Variants in CRIM1 observed in about 807,000 individuals in gnomAD.
The protein encoded by CRIM1 is cysteine-rich motor neuron 1 protein.
CRIM1 carries 32 observed loss-of-function variants against 116.4 expected under a neutral mutation model. The ratio of observed to expected loss-of-function variants is 0.27; its 90% CI spans 0.21 to 0.37. CRIM1 has a LOEUF of 0.37. Ranked by LOEUF, CRIM1 falls within the 10% of genes least tolerant of loss-of-function variation. The pLI is 1.00. For synonymous variants in CRIM1, 590 were observed against 509.2 expected (o/e 1.16, Z -2.13); for missense variants, 1,331 against 1,354.8 (o/e 0.98, Z 0.28).
In CRIM1 at chr2:36,541,796, T is replaced by G. The variant is rs148195663; in HGVS notation, c.2624-2580T>G. On this transcript the variant is annotated intron_variant, in intron 14 of 16. Coordinates refer to ENST00000280527, the MANE Select transcript of CRIM1 (RefSeq NM_016441.3). Reference sequence around the variant, plus strand: ...TCTCCCTGGCACTGTCCATCTGTAATGCCAACAGCTGTAAAGGGCTCTTCT... The same window carrying G: ...TCTCCCTGGCACTGTCCATCTGTAAGGCCAACAGCTGTAAAGGGCTCTTCT... Among the ~76,000 whole-genome samples the G allele has an allele frequency of 1.3e-3, 199 of 152,300 alleles. 1 individual carries two copies. In the South Asian group the frequency reaches 0.025, roughly 19 times the overall value.
chr2:36,437,233 G>C (rs890834547), intron 2 of CRIM1, among the ~76,000 whole-genome samples: 2 of 152,142 alleles, frequency 1.3e-5, no homozygotes, highest in African/African-American at 4.8e-5. Context: ...AAATTAGCCG[G>C]GCGAGGTGGT....
chr2:36,387,953 T>G (rs919214675), intron 1 of CRIM1, among the ~76,000 whole-genome samples: 10 of 152,060 alleles, frequency 6.6e-5, no homozygotes, highest in Non-Finnish European at 1.3e-4. Flanking sequence ...GCTTAGTTCA[T>G]TCTTTTTTTT....
At chr2:36,440,432 TC>T (rs1373670359) in intron 2 of CRIM1, among the ~76,000 whole-genome samples, 1 of 152,198 alleles carries the variant, frequency 6.6e-6, no homozygotes, top group African/African-American at 2.4e-5. Flanking sequence ...TTCCATCTTT[TC>T]CTCAAGGGCC....
At chr2:36,377,947 G>A (rs1194664471) in intron 1 of CRIM1, among the ~76,000 whole-genome samples, 1 of 152,162 alleles carries the variant, frequency 6.6e-6, no homozygotes, top group Non-Finnish European at 1.5e-5. Flanking sequence ...CAGTCTGTCA[G>A]GTGTTTCAGT....
At chr2:36,427,919 G>C (rs553217248) in intron 2 of CRIM1, among the ~76,000 whole-genome samples, 1 of 152,188 alleles carries the variant, frequency 6.6e-6, no homozygotes, top group African/African-American at 2.4e-5. Flanking sequence ...CACCTGGCTG[G>C]TGGACAGCAC....
intron 2 of CRIM1, among the ~76,000 whole-genome samples, chr2:36,402,103 T>A (rs1558543013): frequency 6.6e-6 from 1 of 152,186 alleles, no homozygotes; most frequent in Non-Finnish European, 1.5e-5. Flanking sequence ...GGGTGTCTCC[T>A]AGGTTTCTCA....
At chr2:36,427,681 C>A (rs988783422) in intron 2 of CRIM1, among the ~76,000 whole-genome samples, 1 of 152,228 alleles carries the variant, frequency 6.6e-6, no homozygotes, top group Non-Finnish European at 1.5e-5. Flanking sequence ...GAGGTCTAAA[C>A]TTCTGGGGAT....
rs1425013297 is a variant in CRIM1 at position 36,549,543 on chromosome 2, A to G, written c.*842A>G. The G allele has an allele frequency of 1.3e-5, 2 of 152,222 alleles. No homozygotes were observed. Among genetic ancestry groups the G allele is most frequent in the African/African-American group, 2.4e-5 (1 of 41,310 alleles). 9.4% of individuals were successfully genotyped at this position (152,222 alleles called of 1,614,324 possible). ...CGAACACCAGGCATTTCCAGGGGCT[A>G]TATTTCACTGTTTGTTGTTGCTTTG... is the stretch of plus-strand genomic sequence containing the variant. On this transcript the variant is annotated 3_prime_UTR_variant, in exon 17 of 17. Coordinates refer to ENST00000280527, the MANE Select transcript of CRIM1 (RefSeq NM_016441.3).
Position 36,522,277 on chromosome 2 carries a change from G to T in CRIM1, c.2392G>T (p.Val798Phe), listed in dbSNP as rs990042707. The T allele has an allele frequency of 6.2e-7, 1 of 1,614,098 alleles. No homozygotes were observed. The highest frequency in any genetic ancestry group is 8.5e-7 in the Non-Finnish European group (1 of 1,180,016). ...CCCTTCTGTATCCTGTGAAAGACCT[G>T]TCTTGAGAAAAGGCCAGTGTTGTCC... is the stretch of plus-strand genomic sequence containing the variant. ...SCPSVSCERP[V>F]LRKGQCCPYC... is the part of the protein sequence containing the mutation. The change falls in exon 13 of 17, where the codon GTC (valine) becomes TTC (phenylalanine). Residue 798 changes from valine to phenylalanine, a missense_variant. Physicochemically the swap from Val to Phe is conservative, Grantham distance 50. This residue lies in a region of CRIM1 where 358 missense variants were observed against 436.1 expected (regional missense o/e 0.82). Coordinates refer to ENST00000280527, the MANE Select transcript of CRIM1 (RefSeq NM_016441.3).
At chr2:36,455,785 C>T (rs1367634562) in intron 4 of CRIM1, among the ~76,000 whole-genome samples, 2 of 151,978 alleles carry the variant, frequency 1.3e-5, no homozygotes, top group East Asian at 1.9e-4. Flanking sequence ...TCGAGTGGTG[C>T]ATTGTGTGAT....
chr2:36,440,270 C>A (rs6729186), intron 2 of CRIM1, among the ~76,000 whole-genome samples: 93 of 152,100 alleles, frequency 6.1e-4, no homozygotes, highest in African/African-American at 2.2e-3. Flanking sequence ...ATCCTACTAC[C>A]CAATTCTGTG....
In CRIM1 at chr2:36,510,048, G is replaced by A. The variant is rs1180858533; in HGVS notation, c.1567G>A (p.Asp523Asn). 5 of 1,614,054 alleles carry A rather than the reference G, an allele frequency of 3.1e-6. No homozygotes were observed. The Admixed American group carries it at 5.0e-5, about 16-fold the overall frequency. ...GAACTGTCCCTTCGGTTTCCTTACT[G>A]ATGCCCAAAACTGTGAGATCTGTGA... is the stretch of plus-strand genomic sequence containing the variant. ...TLNCPFGFLTDAQNCEICECR... is the reference protein window; with the variant it reads ...TLNCPFGFLTNAQNCEICECR... The change falls in exon 9 of 17, where the codon GAT becomes AAT. Residue 523 changes from aspartate to asparagine, a missense_variant. Physicochemically the swap from Asp to Asn is conservative, Grantham distance 23 (BLOSUM62 1). Around this residue, in one of 3 missense-constraint regions of CRIM1, gnomAD observed 358 missense variants for 436.1 expected, o/e 0.82. Coordinates refer to ENST00000280527, the MANE Select transcript of CRIM1 (RefSeq NM_016441.3).
chr2:36,372,032 G>A (rs1256117212), intron 1 of CRIM1, among the ~76,000 whole-genome samples: 1 of 152,204 alleles, frequency 6.6e-6, no homozygotes, highest in East Asian at 1.9e-4. Context: ...TAAGAAACAT[G>A]TACTGAATGT....
intron 7 of CRIM1, among the ~76,000 whole-genome samples, chr2:36,492,836 C>T (rs997907699): frequency 1.3e-5 from 2 of 152,016 alleles, no homozygotes; most frequent in Non-Finnish European, 2.9e-5. Context: ...ACGTTCAGCC[C>T]CCTCCAACCC....
At chr2:36,358,193 A>C (rs944087133) in intron 1 of CRIM1, among the ~76,000 whole-genome samples, 2 of 152,162 alleles carry the variant, frequency 1.3e-5, no homozygotes, top group Non-Finnish European at 2.9e-5. Flanking sequence ...CCCCTTTTAT[A>C]ACTTGTTTTT....
At chr2:36,509,176 G>A (rs1681633864) in intron 8 of CRIM1, among the ~76,000 whole-genome samples, 1 of 152,144 alleles carries the variant, frequency 6.6e-6, no homozygotes, top group African/African-American at 2.4e-5. Flanking sequence ...AGTATTATAT[G>A]ATAGCATCTA....
At chr2:36,380,977 T>G (rs933981950) in intron 1 of CRIM1, among the ~76,000 whole-genome samples, 17 of 152,238 alleles carry the variant, frequency 1.1e-4, no homozygotes, top group African/African-American at 4.1e-4. Flanking sequence ...TTGCCCACTC[T>G]GGAGAGAACT....
intron 2 of CRIM1, among the ~76,000 whole-genome samples, chr2:36,406,140 A>T (rs1028674285): frequency 2.0e-4 from 30 of 152,214 alleles, no homozygotes; most frequent in African/African-American, 6.8e-4. Context: ...ACAAAATCAG[A>T]TATACTGAAA....
In CRIM1 at chr2:36,372,428, T is replaced by A. The variant is rs114256245; in HGVS notation, c.331+15805T>A. Among the ~76,000 whole-genome samples, 371 of 152,264 alleles carry A rather than the reference T, an allele frequency of 2.4e-3. 2 individuals carry two copies. The highest frequency in any genetic ancestry group is 8.3e-3 in the African/African-American group (343 of 41,536). On this transcript the variant is annotated intron_variant, in intron 1 of 16. Transcript: ENST00000280527. ...TTCTTTGTTTGTTTTTCTAAAGGTT[T>A]TAAGGAGGTTTACAAATTAAGATGG...
Sources: gnomAD v4.1 joint callset for allele counts (sites outside exome capture counted in the v4.1 genomes callset) on GRCh38, gnomAD v4.1.1 for gene constraint, gnomAD v4.1.1 regional missense constraint, MANE v1.5 for transcripts, NCBI Gene and HGNC (gene_info 2026-07-23, HGNC 2026-07-21) for gene names.